PPP4R1: variants seen among roughly 807,000 people sequenced by gnomAD.
The protein encoded by PPP4R1 is protein phosphatase 4 regulatory subunit 1, also known as serine/threonine-protein phosphatase 4 regulatory subunit 1.
PPP4R1 carries 42 observed loss-of-function variants against 111.2 expected under a neutral mutation model. The observed-to-expected ratio is 0.38, with a 90% confidence interval of 0.29 to 0.49. PPP4R1 has a LOEUF of 0.49. PPP4R1 is among the 20% of genes least tolerant of loss of function. The probability of loss-of-function intolerance (pLI) is 0.97; values close to 1 mark genes in which losing one functional copy is unlikely to be tolerated. For missense variants in PPP4R1, 1,012 were observed against 1,161.6 expected (o/e 0.87, Z 1.87); for synonymous variants, 409 against 405.5 (o/e 1.01, Z -0.10).
upstream of PPP4R1, chr18:9,614,579 G>A (rs1392496927): frequency 7.1e-6 from 6 of 849,968 alleles, no homozygotes; most frequent in Non-Finnish European, 8.5e-6. The surrounding 1 kb of genome is among the most constrained non-coding windows in gnomAD (Gnocchi z 4.1). Flanking sequence ...CGGGAGGGGC[G>A]GCGGGGAGGA....
intron 12 of PPP4R1, chr18:9,563,139 A>C: frequency 8.2e-7 from 1 of 1,212,676 alleles, no homozygotes; most frequent in Non-Finnish European, 1.0e-6. Flanking sequence ...ATTAACATTG[A>C]GTCTACTAAA....
chr18:9,558,638 A>T (rs1336889584), intron 14 of PPP4R1, among the ~76,000 whole-genome samples: 1 of 151,894 alleles, frequency 6.6e-6, no homozygotes, highest in Admixed American at 6.6e-5. Flanking sequence ...TGAAAAATAC[A>T]ATTACTAAGA....
At chr18:9,584,430 AC>A in intron 8 of PPP4R1, 84 bp downstream of exon 8, 1 of 1,193,536 alleles carries the variant, frequency 8.4e-7, no homozygotes, top group South Asian at 1.9e-5. Flanking sequence ...TGTTAATAAA[AC>A]TTTGGAGTAA....
Position 9,547,931 on chromosome 18 carries a change from C to A in PPP4R1, c.2711G>T (p.Ser904Ile). The A allele has an allele frequency of 6.2e-7, 1 of 1,613,966 alleles. No individual in the cohort carries two copies. The highest frequency in any genetic ancestry group is 8.5e-7 in the Non-Finnish European group (1 of 1,180,020). ...CTGCTCCACAGCCTCCTGGTGGCAG[C>A]TGGCAGAGGCCAAGAAATAGTCTGG... ...LEKDYFLASA[S>I]CHQEAVEQTI... The change falls in exon 20 of 20, where the codon AGC becomes ATC. Residue 904 changes from serine to isoleucine, a missense_variant. Coordinates refer to ENST00000400556, the MANE Select transcript of PPP4R1 (RefSeq NM_001042388.3).
rs2066946014 is a variant in PPP4R1 at position 9,576,980 on chromosome 18, T to C, written c.1046+84A>G. The C allele has an allele frequency of 6.4e-6, 8 of 1,243,012 alleles. No individual in the cohort carries two copies. In the South Asian group the frequency reaches 1.1e-4, roughly 17 times the overall value. The allele number at this position is 1,243,012 out of a possible 1,614,324, so 77.0% of individuals were successfully genotyped here. A position where few individuals can be genotyped will look rare whatever the true frequency, so the allele number is the denominator to read the frequency against. ...GCAAACTATCAAAAAATAACATTTG[T>C]TGCAGAATAGTGGAAATAATGTTTA... On this transcript the variant is annotated intron_variant, in intron 10 of 19. Transcript: ENST00000400556.
chr18:9,583,318 C>A (rs532753600), intron 8 of PPP4R1, 43 bp from the exon 9 acceptor site: 3 of 1,411,460 alleles, frequency 2.1e-6, no homozygotes, highest in South Asian at 2.9e-5. Flanking sequence ...ATAAAGATAG[C>A]AGATTTCATC....
intron 8 of PPP4R1, 140 bp downstream of exon 8, chr18:9,584,375 C>T (rs1321907390): frequency 1.7e-5 from 11 of 646,362 alleles, no homozygotes; most frequent in Admixed American, 3.8e-5. Flanking sequence ...GATATTTAAA[C>T]TCCTAAATTC....
At chr18:9,562,212 A>G in intron 12 of PPP4R1, 137 bp from the exon 13 acceptor site, 1 of 633,508 alleles carries the variant, frequency 1.6e-6, no homozygotes, top group Non-Finnish European at 2.6e-6. Context: ...AAAAGCTTAT[A>G]AACATACCTA....
chr18:9,547,706 G>GC lies in PPP4R1; in HGVS notation c.*82dup. The GC allele has an allele frequency of 6.6e-7, 1 of 1,525,580 alleles. No individual in the cohort carries two copies. The highest frequency in any genetic ancestry group is 9.0e-7 in the Non-Finnish European group (1 of 1,112,188). 94.5% of individuals were successfully genotyped at this position (1,525,580 alleles called of 1,614,324 possible). ...GAGGAAGGTCTCTCCTCCCCCGAAA[G>GC]CTATCCCAGGTCACATGCGTGGCGA... On this transcript the variant is annotated 3_prime_UTR_variant, in exon 20 of 20. Coordinates refer to ENST00000400556, the MANE Select transcript of PPP4R1 (RefSeq NM_001042388.3).
At chr18:9,561,336 TACA>T (rs780213281) in intron 13 of PPP4R1, among the ~76,000 whole-genome samples, 1 of 151,886 alleles carries the variant, frequency 6.6e-6, no homozygotes, top group Non-Finnish European at 1.5e-5. Context: ...AAAGTGAAAC[TACA>T]ACGAGTAGCA....
rs186284822 is a variant in PPP4R1 at position 9,553,601 on chromosome 18, T to C, written c.2191-179A>G. 1.1e-4 allele frequency among the ~76,000 whole-genome samples: 16 copies of C among 152,356 alleles called. No individual in the cohort carries two copies. The East Asian group carries it at 2.7e-3, about 26-fold the overall frequency. ...GTTTATTTTTCCCTGAATAATTCCA[T>C]TTGCCTTCAGGAATCACCATCTTGT... On this transcript the variant is annotated intron_variant, in intron 15 of 19. Coordinates refer to ENST00000400556, the MANE Select transcript of PPP4R1 (RefSeq NM_001042388.3).
intron 15 of PPP4R1, among the ~76,000 whole-genome samples, chr18:9,554,647 C>T (rs899294795): frequency 6.6e-6 from 1 of 152,166 alleles, no homozygotes; most frequent in Non-Finnish European, 1.5e-5. Flanking sequence ...AAAGAAATGA[C>T]AGGCCAGGAG....
intron 11 of PPP4R1, among the ~76,000 whole-genome samples, chr18:9,567,940 A>C (rs1267241778): frequency 6.6e-6 from 1 of 152,222 alleles, no homozygotes; most frequent in Non-Finnish European, 1.5e-5. Flanking sequence ...GATGATCATC[A>C]GCATTTTTTA....
At chr18:9,607,907 C>T (rs1458531049) in intron 2 of PPP4R1, among the ~76,000 whole-genome samples, 1 of 151,548 alleles carries the variant, frequency 6.6e-6, no homozygotes. Context: ...CTCAGCCTCC[C>T]GAGTAGCTAG....
chr18:9,561,900 G>A (rs1441295742), intron 13 of PPP4R1, 80 bp downstream of exon 13: 4 of 1,142,670 alleles, frequency 3.5e-6, no homozygotes, highest in East Asian at 2.4e-5. Flanking sequence ...CATAAAGAAG[G>A]GGCAAATTAG....
intron 4 of PPP4R1, among the ~76,000 whole-genome samples, chr18:9,592,322 G>A (rs1340161424): frequency 6.6e-6 from 1 of 152,100 alleles, no homozygotes; most frequent in Non-Finnish European, 1.5e-5. Context: ...TTGACCAAAG[G>A]GGCCACCATC....
chr18:9,611,996 A>G (rs900601766), intron 2 of PPP4R1, among the ~76,000 whole-genome samples: 1 of 149,542 alleles, frequency 6.7e-6, no homozygotes, highest in Non-Finnish European at 1.5e-5. Flanking sequence ...CTGGGCAACA[A>G]GAGTGAAACT....
At chr18:9,592,656 T>TAC (rs983453786) in intron 4 of PPP4R1, among the ~76,000 whole-genome samples, 18 of 141,536 alleles carry the variant, frequency 1.3e-4, no homozygotes, top group South Asian at 8.8e-4. Flanking sequence ...TATTTTAAAA[T>TAC]ACACACACAC....
chr18:9,614,652 C>T (rs1005537050), upstream of PPP4R1: 822 of 171,232 alleles, frequency 4.8e-3, 6 homozygotes, highest in Non-Finnish European at 7.5e-3. This position sits in a 1 kb window ranked among gnomAD's most constrained non-coding sequence, Gnocchi z 4.1. Flanking sequence ...CTGCCGCGGG[C>T]GGCGCGGCTC....
Sources: allele counts gnomAD v4.1 joint callset (sites outside exome capture counted in the v4.1 genomes callset), GRCh38; gene constraint gnomAD v4.1.1; non-coding constraint Gnocchi (gnomAD v3.1); transcripts MANE v1.5; gene names NCBI Gene and HGNC (gene_info 2026-07-23, HGNC 2026-07-21).